The following CDC42BPA variants were observed in gnomAD, a reference collection of about 807,000 sequenced individuals.
The protein encoded by CDC42BPA is serine/threonine-protein kinase MRCK alpha.
A neutral mutation model predicts 223.5 loss-of-function variants in CDC42BPA; 80 were observed. That is an observed-to-expected ratio of 0.36 (90% CI 0.30 to 0.43). The LOEUF is 0.43. Ranked by LOEUF, CDC42BPA falls within the 20% of genes least tolerant of loss-of-function variation. The probability of loss-of-function intolerance (pLI) is 1.00; values close to 1 mark genes in which losing one functional copy is unlikely to be tolerated. For synonymous variants in CDC42BPA, 694 were observed against 718.6 expected (o/e 0.97, Z 0.55); for missense variants, 1,743 against 2,099.9 (o/e 0.83, Z 3.32).
At position 227,119,906 on chromosome 1, in the gene CDC42BPA, T is replaced by A. The variant is rs1451221072; in HGVS notation, c.1545A>T (p.Glu515Asp). 6.3e-7 allele frequency: 1 copy of A among 1,596,774 alleles called. No individual in the cohort carries two copies. Among genetic ancestry groups the A allele is most frequent in the Admixed American group, 1.7e-5 (1 of 57,174 alleles). Residue 515 changes from glutamate (E) to aspartate (D), a missense_variant, in exon 12 of 37, where the codon GAA (glutamate) becomes GAT (aspartate). Transcript: ENST00000366766. The part of the protein sequence containing the change: ...ESSHLEQQLE[E>D]ANAVRQELDD... Reference sequence around the variant, plus strand: ...CTAGTTCTTGCCTCACAGCATTAGCTTCTTCAAGTTGCTGTTCCAAATGAC... The same window carrying A: ...CTAGTTCTTGCCTCACAGCATTAGCATCTTCAAGTTGCTGTTCCAAATGAC...
intron 16 of CDC42BPA, among the ~76,000 whole-genome samples, chr1:227,091,076 C>A (rs769229596): frequency 6.6e-6 from 1 of 152,074 alleles, no homozygotes; most frequent in African/African-American, 2.4e-5. Flanking sequence ...TTTACTAGTT[C>A]TTCTTTGTGA....
At chr1:227,314,772 CAA>C (rs1694103865) in intron 1 of CDC42BPA, among the ~76,000 whole-genome samples, 1 of 151,484 alleles carries the variant, frequency 6.6e-6, no homozygotes, top group Non-Finnish European at 1.5e-5. Context: ...AAATAAAAGA[CAA>C]TATTTTTTCA....
intron 34 of CDC42BPA, among the ~76,000 whole-genome samples, chr1:227,006,851 C>A (rs1664160779): frequency 6.6e-6 from 1 of 152,040 alleles, no homozygotes; most frequent in Admixed American, 6.6e-5. Flanking sequence ...GCAGGAGAAT[C>A]ACTTGAATCT....
intron 18 of CDC42BPA, 96 bp from the exon 19 acceptor site, chr1:227,074,108 A>G: frequency 6.9e-7 from 1 of 1,453,762 alleles, no homozygotes; most frequent in Non-Finnish European, 9.4e-7. Flanking sequence ...CTAAACTGGA[A>G]AAGACCCAAA....
chr1:227,104,748 G>A (rs1444726714), intron 14 of CDC42BPA, among the ~76,000 whole-genome samples: 1 of 152,096 alleles, frequency 6.6e-6, no homozygotes, highest in East Asian at 1.9e-4. Context: ...CAGACACACA[G>A]GGAGAACTCC....
rs1275431737 is a variant in CDC42BPA, at chr1:227,112,390, T to C, written c.1923A>G (p.Glu641=). 1 of 1,605,796 alleles carries C rather than the reference T, an allele frequency of 6.2e-7. No homozygotes were observed. Among genetic ancestry groups the C allele is most frequent in the Non-Finnish European group, 8.5e-7 (1 of 1,176,342 alleles). ...CACGTAGCTTCCTGTCTTTAGATGCTTCAGCAGCTAGAGCTTCTGTATGAA... is the reference window on the plus strand; with the variant it reads ...CACGTAGCTTCCTGTCTTTAGATGCCTCAGCAGCTAGAGCTTCTGTATGAA... The part of the protein sequence containing the change: ...LEVHTEALAA[E]ASKDRKLREQ... The change falls in exon 14 of 37, where the codon GAA becomes GAG. Residue 641 remains glutamate, a synonymous_variant. Transcript: ENST00000366766.
At position 227,101,086 on chromosome 1, in the gene CDC42BPA, T is replaced by G. The variant is rs1273634664; in HGVS notation, c.2155A>C (p.Lys719Gln). 2 of 1,568,840 alleles carry G rather than the reference T, an allele frequency of 1.3e-6. No individual in the cohort carries two copies. Among genetic ancestry groups the G allele is most frequent in the Non-Finnish European group, 1.8e-6 (2 of 1,139,520 alleles). Residue 719 changes from lysine to glutamine, a missense_variant, in exon 15 of 37, where the codon AAG (lysine) becomes CAG (glutamine). Coordinates refer to ENST00000366766, the MANE Select transcript of CDC42BPA (RefSeq NM_001394014.1). The part of the protein sequence containing the change: ...GIHANEIKNL[K>Q]KELHDSEGQQ... ...CCTTCTGAATCATGCAGTTCTTTCT[T>G]AAGATTTTTTATTTCATTTGCATGT...
intron 10 of CDC42BPA, among the ~76,000 whole-genome samples, chr1:227,129,693 A>AAAAAAAAAAAAAAAAAAC (rs1656620148): frequency 7.6e-6 from 1 of 132,144 alleles, no homozygotes; most frequent in Non-Finnish European, 1.6e-5. Context: ...AAAAAAAAAA[A>AAAAAAAAAAAAAAAAAAC]ATCCACTGCA....
intron 14 of CDC42BPA, 48 bp from the exon 15 acceptor site, chr1:227,101,287 A>ATATTTATATTACAGAAAGAAGT: frequency 8.7e-7 from 1 of 1,144,650 alleles, no homozygotes; most frequent in Non-Finnish European, 1.2e-6. Context: ...GAATAATAAA[A>ATATTTATATTACAGAAAGAAGT]TATTTAAATA....
In CDC42BPA at chr1:227,005,043, G is replaced by C; in HGVS notation, c.4926C>G (p.Ser1642=). Residue 1642 remains serine (S), a synonymous_variant, in exon 35 of 37, where the codon TCC becomes TCG. Transcript: ENST00000366766. ...GSVSIPSITK[S]RPEPGRSMSA... is the part of the protein sequence containing the mutation. ...TCATGGAGCGGCCTGGCTCAGGGCGGGATTTGGTGATAGATGGAATACTGA... is the reference window on the plus strand; with the variant it reads ...TCATGGAGCGGCCTGGCTCAGGGCGCGATTTGGTGATAGATGGAATACTGA... The C allele has an allele frequency of 6.2e-7, 1 of 1,614,174 alleles. No homozygotes were observed. Among genetic ancestry groups the C allele is most frequent in the Non-Finnish European group, 8.5e-7 (1 of 1,180,012 alleles).
intron 5 of CDC42BPA, among the ~76,000 whole-genome samples, chr1:227,175,933 C>A (rs1274595567): frequency 6.6e-6 from 1 of 152,122 alleles, no homozygotes; most frequent in Non-Finnish European, 1.5e-5. Flanking sequence ...GTTATTTTCA[C>A]CACACAGAGC....
chr1:227,074,422 T>C (rs1346127628), intron 17 of CDC42BPA, 58 bp from the exon 18 acceptor site: 7 of 1,229,030 alleles, frequency 5.7e-6, no homozygotes, highest in Non-Finnish European at 8.2e-6. Context: ...GTGCAATATA[T>C]GTTATTTTAA....
intron 30 of CDC42BPA, among the ~76,000 whole-genome samples, chr1:227,027,265 G>T (rs1046142803): frequency 1.3e-5 from 2 of 152,242 alleles, no homozygotes; most frequent in South Asian, 4.1e-4. Context: ...AGAACTAGAG[G>T]TATTTTTCTT....
chr1:227,081,911 A>T (rs1197627953), intron 16 of CDC42BPA, among the ~76,000 whole-genome samples: 1 of 152,210 alleles, frequency 6.6e-6, no homozygotes, highest in African/African-American at 2.4e-5. Context: ...CAAATTTCAC[A>T]AATTTCCTAA....
chr1:227,063,456 C>T (rs552742485), intron 21 of CDC42BPA, among the ~76,000 whole-genome samples: 1 of 151,950 alleles, frequency 6.6e-6, no homozygotes, highest in South Asian at 2.1e-4. Flanking sequence ...TAATAAAATA[C>T]CAAAGAAGAA....
At chr1:227,215,426 T>C (rs1215034463) in intron 2 of CDC42BPA, among the ~76,000 whole-genome samples, 1 of 152,166 alleles carries the variant, frequency 6.6e-6, no homozygotes, top group Non-Finnish European at 1.5e-5. Context: ...ACAATACTTA[T>C]ATCATTGTGG....
intron 5 of CDC42BPA, among the ~76,000 whole-genome samples, chr1:227,164,928 T>C (rs1010625602): frequency 2.0e-5 from 3 of 152,128 alleles, no homozygotes; most frequent in Non-Finnish European, 2.9e-5. Context: ...GAAAGACAGG[T>C]TTTAGGAAAT....
chr1:227,011,347 TCA>T (rs1665167884), intron 34 of CDC42BPA, among the ~76,000 whole-genome samples: 2 of 152,186 alleles, frequency 1.3e-5, no homozygotes, highest in African/African-American at 4.8e-5. Flanking sequence ...AGAGTTTAGT[TCA>T]GTATTTTCTT....
intron 1 of CDC42BPA, among the ~76,000 whole-genome samples, chr1:227,291,773 A>G (rs1484360885): frequency 1.3e-5 from 2 of 152,180 alleles, no homozygotes; most frequent in Non-Finnish European, 2.9e-5. Context: ...AACCCTCAAC[A>G]TTTGTATTGT....
Sources: gnomAD v4.1 joint callset for allele counts (sites outside exome capture counted in the v4.1 genomes callset) on GRCh38, gnomAD v4.1.1 for gene constraint, MANE v1.5 for transcripts, NCBI Gene and HGNC (gene_info 2026-07-23, HGNC 2026-07-21) for gene names.